Variants in ARNT2 observed in about 807,000 individuals in gnomAD.
The protein encoded by ARNT2 is ARNT protein 2.
A neutral mutation model predicts 91.7 loss-of-function variants in ARNT2; 36 were observed. The ratio of observed to expected loss-of-function variants is 0.39; its 90% CI spans 0.30 to 0.52. ARNT2 has a LOEUF of 0.52. Ranked by LOEUF, ARNT2 falls within the 20% of genes least tolerant of loss-of-function variation. ARNT2 has a pLI of 0.72. For missense variants in ARNT2, 775 were observed against 939.3 expected, an observed-to-expected ratio of 0.83 and a Z score of 2.29; for synonymous variants, 365 against 347.1, an observed-to-expected ratio of 1.05 and a Z score of -0.57.
intron 5 of ARNT2, among the ~76,000 whole-genome samples, chr15:80,494,851 G>A (rs1281333943): frequency 2.6e-5 from 4 of 152,172 alleles, no homozygotes; most frequent in African/African-American, 7.2e-5. Flanking sequence ...TTGCTCATGA[G>A]ATGATGATCT....
chr15:80,469,176 G>C (rs926512113), intron 3 of ARNT2, among the ~76,000 whole-genome samples: 3 of 152,182 alleles, frequency 2.0e-5, no homozygotes, highest in African/African-American at 7.2e-5. Flanking sequence ...TGAGTTGGCT[G>C]TGACTCCTTC....
chr15:80,570,393 A>G (rs1036672051), intron 12 of ARNT2, among the ~76,000 whole-genome samples: 1 of 152,224 alleles, frequency 6.6e-6, no homozygotes, highest in Non-Finnish European at 1.5e-5. Context: ...GCTGGCCATC[A>G]GTCCTACATT....
chr15:80,525,643 C>G (rs190452575), intron 8 of ARNT2, among the ~76,000 whole-genome samples: 5 of 152,236 alleles, frequency 3.3e-5, no homozygotes, highest in Admixed American at 3.3e-4. Flanking sequence ...AATTTCTTGC[C>G]AGGATTTCCA....
chr15:80,574,148 G>T lies in ARNT2; in HGVS notation c.1317G>T (p.Lys439Asn). 6.2e-7 allele frequency: 1 copy of T among 1,614,064 alleles called. No individual in the cohort carries two copies. The highest frequency in any genetic ancestry group is 1.1e-5 in the South Asian group (1 of 91,084). The change falls in exon 13 of 19, where the codon AAG (lysine) becomes AAT (asparagine). Residue 439 changes from lysine (K) to asparagine (N), a missense_variant and splice_region_variant. Lys to Asn is a moderately conservative substitution (Grantham distance 94). Coordinates refer to ENST00000303329, the MANE Select transcript of ARNT2 (RefSeq NM_014862.4). Reference protein sequence around the residue: ...EYIICTNTNVKQLQQQQAELE... With the variant: ...EYIICTNTNVNQLQQQQAELE... ...CCTCTGTTGTCTTCTTGTTTCACAGGCAACTTCAGCAACAGCAGGCAGAAT... is the reference window on the plus strand; with the variant it reads ...CCTCTGTTGTCTTCTTGTTTCACAGTCAACTTCAGCAACAGCAGGCAGAAT...
In ARNT2 at chr15:80,493,792, A is replaced by G. The variant is rs570170268; in HGVS notation, c.623-14364A>G. ...ATCTCATGTTGAAATTTGATCCCTA[A>G]TGTTGGAGATGGGGCCTGGTGGGAG... On this transcript the variant is annotated intron_variant, in intron 5 of 18. Transcript: ENST00000303329. Among the ~76,000 whole-genome samples the G allele has an allele frequency of 2.0e-5, 3 of 152,196 alleles. No individual in the cohort carries two copies. In the East Asian group the frequency reaches 5.8e-4, roughly 29 times the overall value.
At chr15:80,533,011 A>T (rs936889044) in intron 8 of ARNT2, among the ~76,000 whole-genome samples, 15 of 152,278 alleles carry the variant, frequency 9.9e-5, no homozygotes, top group African/African-American at 3.6e-4. Flanking sequence ...GAGACTTTTG[A>T]GCACCAGGAA....
intron 1 of ARNT2, 48 bp from the exon 2 acceptor site, chr15:80,450,832 T>A: frequency 1.3e-6 from 2 of 1,589,228 alleles, no homozygotes; most frequent in South Asian, 2.2e-5. Context: ...TGCCCGTTAC[T>A]GGGCTTTTCT....
chr15:80,524,234 T>C (rs1423632291), intron 8 of ARNT2, among the ~76,000 whole-genome samples: 1 of 151,926 alleles, frequency 6.6e-6, no homozygotes, highest in Non-Finnish European at 1.5e-5. Context: ...AGGTAAAAAA[T>C]AGAAAAGACA....
rs373984687 is a variant in ARNT2 at position 80,539,361 on chromosome 15, GA to G, written c.878-11831del. On this transcript the variant is annotated intron_variant, in intron 8 of 18. Coordinates refer to ENST00000303329, the MANE Select transcript of ARNT2 (RefSeq NM_014862.4). Reference sequence around the variant, plus strand: ...AATCTGCTAATGTAAATAATTCAAGGAAAAAAACTATTGACAAAATATAAGT... The same window carrying G: ...AATCTGCTAATGTAAATAATTCAAGGAAAAAACTATTGACAAAATATAAGT... Among the ~76,000 whole-genome samples the G allele has an allele frequency of 3.5e-3, 533 of 151,942 alleles. 2 individuals carry two copies. Among genetic ancestry groups the G allele is most frequent in the African/African-American group, 0.012 (489 of 41,462 alleles).
intron 1 of ARNT2, among the ~76,000 whole-genome samples, chr15:80,409,165 T>C (rs1367951251): frequency 1.3e-5 from 2 of 152,228 alleles, no homozygotes; most frequent in Non-Finnish European, 2.9e-5. Context: ...ATATGACTTA[T>C]ATCTACCGTT....
At chr15:80,582,266 C>T (rs1898812710) in intron 17 of ARNT2, among the ~76,000 whole-genome samples, 1 of 148,590 alleles carries the variant, frequency 6.7e-6, no homozygotes, top group Admixed American at 6.8e-5. Flanking sequence ...GTCAAGGTGG[C>T]AGATCACCGG....
At chr15:80,462,748 C>A (rs771899063) in intron 3 of ARNT2, among the ~76,000 whole-genome samples, 54 of 152,202 alleles carry the variant, frequency 3.5e-4, no homozygotes, top group Non-Finnish European at 6.6e-4. Context: ...TTGTAGCACC[C>A]AGTTGCACCA....
chr15:80,580,351 C>T, intron 15 of ARNT2, 60 bp from the exon 16 acceptor site: 4 of 1,600,054 alleles, frequency 2.5e-6, no homozygotes, highest in South Asian at 1.1e-5. Flanking sequence ...GTTGGCTGGG[C>T]ACGTAGACTC....
chr15:80,489,930 C>T (rs1897030043), intron 5 of ARNT2, among the ~76,000 whole-genome samples: 1 of 152,200 alleles, frequency 6.6e-6, no homozygotes, highest in Non-Finnish European at 1.5e-5. Context: ...TCCAGTTCCT[C>T]ATCAGTGTTG....
intron 1 of ARNT2, among the ~76,000 whole-genome samples, chr15:80,448,659 C>T (rs915822918): frequency 4.6e-5 from 7 of 152,170 alleles, no homozygotes; most frequent in Non-Finnish European, 1.0e-4. Context: ...TTCCTCAACT[C>T]GAAGGCAGGA....
intron 2 of ARNT2, among the ~76,000 whole-genome samples, chr15:80,453,182 T>C (rs567347698): frequency 2.1e-4 from 32 of 152,204 alleles, no homozygotes; most frequent in Non-Finnish European, 4.4e-4. Flanking sequence ...AGACAGAGCC[T>C]AGCATGGAGT....
intron 5 of ARNT2, among the ~76,000 whole-genome samples, chr15:80,506,082 G>A (rs1240025060): frequency 6.6e-6 from 1 of 152,004 alleles, no homozygotes; most frequent in African/African-American, 2.4e-5. Context: ...GACTACAGGT[G>A]CCCGCCACCG....
At chr15:80,496,417 C>T (rs1036946499) in intron 5 of ARNT2, among the ~76,000 whole-genome samples, 1 of 152,208 alleles carries the variant, frequency 6.6e-6, no homozygotes, top group African/African-American at 2.4e-5. Context: ...AAGGACGCTG[C>T]ACTTGGTCAC....
At chr15:80,570,405 A>C (rs1344510819) in intron 12 of ARNT2, among the ~76,000 whole-genome samples, 1 of 152,202 alleles carries the variant, frequency 6.6e-6, no homozygotes, top group Non-Finnish European at 1.5e-5. Context: ...TCCTACATTA[A>C]GTGGAAGGTG....
Sources: allele counts gnomAD v4.1 joint callset (sites outside exome capture counted in the v4.1 genomes callset), GRCh38; gene constraint gnomAD v4.1.1; transcripts MANE v1.5; gene names NCBI Gene and HGNC (gene_info 2026-07-23, HGNC 2026-07-21).